The following NETO1 variants were observed in gnomAD, a reference collection of about 807,000 sequenced individuals.
NETO1 encodes the protein neuropilin and tolloid-like protein 1.
In NETO1, 26 loss-of-function variants were observed where a neutral mutation model predicts 61.3. The ratio of observed to expected loss-of-function variants is 0.42; its 90% confidence interval spans 0.31 to 0.59. NETO1 has a LOEUF of 0.59. Ranked by LOEUF, NETO1 falls within the 20% of genes least tolerant of loss-of-function variation. The probability of loss-of-function intolerance (pLI) is 0.12; values close to 1 mark genes in which losing one functional copy is unlikely to be tolerated. For synonymous variants in NETO1, 225 were observed against 225.8 expected, an observed-to-expected ratio of 1.00 and a Z score of 0.03; for missense variants, 531 against 662.8, an observed-to-expected ratio of 0.80 and a Z score of 2.18.
rs141602036 is a variant in NETO1 at position 72,788,176 on chromosome 18, A to G, written c.640-4270T>C. Among the ~76,000 whole-genome samples the G allele has an allele frequency of 1.9e-3, 290 of 152,310 alleles. 2 individuals carry two copies. The highest frequency in any genetic ancestry group is 3.9e-3 in the Admixed American group (60 of 15,282). On this transcript the variant is annotated intron_variant, in intron 6 of 10. Coordinates refer to ENST00000327305, the MANE Select transcript of NETO1 (RefSeq NM_138966.5). Reference sequence around the variant, plus strand: ...GAAGTGCAATCACTGCTACCTAAGTATCTTCTATAAAGGACCTTCTTATTA... The same window carrying G: ...GAAGTGCAATCACTGCTACCTAAGTGTCTTCTATAAAGGACCTTCTTATTA...
chr18:72,838,838 G>A lies in NETO1; in HGVS notation c.469+19988C>T, dbSNP rs926336555. On this transcript the variant is annotated intron_variant, in intron 4 of 10. Transcript: ENST00000327305. Reference sequence around the variant, plus strand: ...TTTACTTAAATTTTATTCAACAATTGTCTTTAGAATTTTAGGAAGTTTTTT... The same window carrying A: ...TTTACTTAAATTTTATTCAACAATTATCTTTAGAATTTTAGGAAGTTTTTT... Among the ~76,000 whole-genome samples the A allele has an allele frequency of 5.9e-5, 9 of 152,236 alleles. No homozygotes were observed. In the East Asian group the frequency reaches 1.7e-3, roughly 29 times the overall value.
chr18:72,765,420 C>CT (rs113590689), intron 7 of NETO1, among the ~76,000 whole-genome samples: 84 of 147,394 alleles, frequency 5.7e-4, no homozygotes, highest in African/African-American at 1.2e-3. Flanking sequence ...AATAAAAATT[C>CT]TTTTTTTTTT....
intron 1 of NETO1, 48 bp downstream of exon 1, chr18:72,867,216 G>C (rs2074767348): frequency 6.9e-7 from 1 of 1,448,820 alleles, no homozygotes; most frequent in African/African-American, 1.5e-5. Flanking sequence ...GAAAGGGGCG[G>C]GAGGGCTGGC....
chr18:72,765,153 C>G (rs2071110629), intron 7 of NETO1, among the ~76,000 whole-genome samples: 1 of 152,188 alleles, frequency 6.6e-6, no homozygotes, highest in Non-Finnish European at 1.5e-5. Flanking sequence ...TATATTCTCA[C>G]AGCCTCTGCT....
chr18:72,776,722 A>G (rs1687186714), intron 7 of NETO1, among the ~76,000 whole-genome samples: 1 of 152,022 alleles, frequency 6.6e-6, no homozygotes, highest in African/African-American at 2.4e-5. Context: ...AAAGGTCTAA[A>G]CTCCTAACAT....
chr18:72,820,427 A>G (rs974296103), intron 4 of NETO1, among the ~76,000 whole-genome samples: 1 of 152,212 alleles, frequency 6.6e-6, no homozygotes, highest in Non-Finnish European at 1.5e-5. Flanking sequence ...ATTTTTACAT[A>G]ACTATATTAT....
chr18:72,791,416 T>C (rs1416029117), intron 6 of NETO1, among the ~76,000 whole-genome samples: 1 of 152,194 alleles, frequency 6.6e-6, no homozygotes, highest in Admixed American at 6.5e-5. Flanking sequence ...AAAGTCCACA[T>C]AGGCAGTAAT....
chr18:72,756,164 C>A lies in NETO1; in HGVS notation c.869-17G>T. 4.6e-6 allele frequency: 6 copies of A among 1,312,110 alleles called. No individual in the cohort carries two copies. Among genetic ancestry groups the A allele is most frequent in the Admixed American group, 1.7e-5 (1 of 58,620 alleles). 81.3% of individuals were successfully genotyped at this position (1,312,110 alleles called of 1,614,324 possible). A position where few individuals can be genotyped will look rare whatever the true frequency, so the allele number is the denominator to read the frequency against. On this transcript the variant is annotated splice_polypyrimidine_tract_variant and intron_variant, in intron 7 of 10. Transcript: ENST00000327305. Reference sequence around the variant, plus strand: ...CACAAGGAGCTAAAAAGAAGAAGAACAAGACAAAGGAGGAAAGTTATAACT... The same window carrying A: ...CACAAGGAGCTAAAAAGAAGAAGAAAAAGACAAAGGAGGAAAGTTATAACT...
intron 6 of NETO1, among the ~76,000 whole-genome samples, chr18:72,788,500 T>A (rs1261169650): frequency 6.6e-6 from 1 of 152,034 alleles, no homozygotes; most frequent in Non-Finnish European, 1.5e-5. Flanking sequence ...ACCACAATAA[T>A]ACTAATAGAA....
downstream of NETO1, chr18:72,742,620 C>T (rs529703844): frequency 6.6e-6 from 1 of 152,216 alleles, no homozygotes; most frequent in South Asian, 2.1e-4. Flanking sequence ...TTCAGCAGTA[C>T]GTACTATGTT....
At chr18:72,798,000 A>G (rs1214065956) in intron 4 of NETO1, among the ~76,000 whole-genome samples, 1 of 152,092 alleles carries the variant, frequency 6.6e-6, no homozygotes, top group Admixed American at 6.6e-5. Context: ...TACCTCCCTC[A>G]TGTTATTACA....
At chr18:72,834,169 A>T (rs933097880) in intron 4 of NETO1, 2 of 685,242 alleles carry the variant, frequency 2.9e-6, no homozygotes, top group African/African-American at 3.9e-5. Context: ...AAACATTTTA[A>T]TATTTTAATA....
chr18:72,842,128 T>G (rs991167615), intron 4 of NETO1, among the ~76,000 whole-genome samples: 13 of 152,192 alleles, frequency 8.5e-5, no homozygotes, highest in African/African-American at 3.1e-4. Context: ...TTAATTGTTT[T>G]AAGGTATGCA....
intron 8 of NETO1, among the ~76,000 whole-genome samples, chr18:72,754,056 A>C (rs947887565): frequency 4.6e-5 from 7 of 152,118 alleles, no homozygotes; most frequent in South Asian, 2.1e-4. Context: ...AATTGGAAAA[A>C]GGAAAAGAGA....
At chr18:72,822,467 C>T (rs998541315) in intron 4 of NETO1, among the ~76,000 whole-genome samples, 1 of 152,166 alleles carries the variant, frequency 6.6e-6, no homozygotes, top group African/African-American at 2.4e-5. Flanking sequence ...CGTGGGGAGG[C>T]GGAGCAGGGA....
chr18:72,825,045 T>C (rs1158882745), intron 4 of NETO1, among the ~76,000 whole-genome samples: 4 of 151,940 alleles, frequency 2.6e-5, no homozygotes, highest in Non-Finnish European at 5.9e-5. Flanking sequence ...TCAACCACCA[T>C]AGACAAGAAA....
At chr18:72,825,853 T>C (rs1274663232) in intron 4 of NETO1, among the ~76,000 whole-genome samples, 2 of 152,214 alleles carry the variant, frequency 1.3e-5, no homozygotes, top group Non-Finnish European at 2.9e-5. Flanking sequence ...TTTTCATTGA[T>C]TCTGTTTAAA....
chr18:72,859,166 TTC>T, intron 3 of NETO1, 92 bp from the exon 4 acceptor site: 2 of 1,285,558 alleles, frequency 1.6e-6, no homozygotes, highest in Non-Finnish European at 2.1e-6. Context: ...TTTGTACATC[TTC>T]TCTCAAACTT....
intron 4 of NETO1, among the ~76,000 whole-genome samples, chr18:72,815,748 G>C (rs550791380): frequency 1.8e-4 from 27 of 152,180 alleles, no homozygotes; most frequent in Non-Finnish European, 3.5e-4. Flanking sequence ...TTTTGGCATA[G>C]ATTTTGGACT....
Sources: allele counts gnomAD v4.1 joint callset (sites outside exome capture counted in the v4.1 genomes callset), GRCh38; gene constraint gnomAD v4.1.1; transcripts MANE v1.5; gene names NCBI Gene and HGNC (gene_info 2026-07-23, HGNC 2026-07-21).